Variants in RALGAPA1 observed in about 807,000 individuals in gnomAD.
RALGAPA1 encodes Ral GTPase activating protein catalytic subunit alpha 1, also known as ral GTPase-activating protein subunit alpha-1.
A neutral mutation model predicts 269.6 loss-of-function variants in RALGAPA1; 52 were observed. The ratio of observed to expected loss-of-function variants is 0.19; its 90% confidence interval spans 0.15 to 0.24. The LOEUF (loss-of-function observed/expected upper bound fraction) is 0.24, where lower values mean the gene tolerates loss of function less well. RALGAPA1 is among the 10% of genes least tolerant of loss of function. RALGAPA1 has a pLI of 1.00. For synonymous variants in RALGAPA1, 817 were observed against 1,008.3 expected (o/e 0.81, Z 3.60); for missense variants, 1,917 against 3,013.9 (o/e 0.64, Z 8.52).
chr14:35,623,583 C>T (rs1314832613), intron 35 of RALGAPA1, among the ~76,000 whole-genome samples: 1 of 152,020 alleles, frequency 6.6e-6, no homozygotes, highest in Non-Finnish European at 1.5e-5. Flanking sequence ...TGGTGATGGC[C>T]AGGTTGAAGT....
At chr14:35,581,673 C>T (rs754346769) in intron 37 of RALGAPA1, among the ~76,000 whole-genome samples, 5 of 151,984 alleles carry the variant, frequency 3.3e-5, no homozygotes, top group South Asian at 2.1e-4. Flanking sequence ...AAAAGCACAA[C>T]GAAATATCAT....
chr14:35,567,301 CAT>C (rs1457837605), intron 39 of RALGAPA1, among the ~76,000 whole-genome samples: 2 of 152,062 alleles, frequency 1.3e-5, no homozygotes, highest in African/African-American at 4.8e-5. Flanking sequence ...ATCAACCAAA[CAT>C]AAAAATCCAA....
chr14:35,620,091 C>A (rs1385998690), intron 35 of RALGAPA1, among the ~76,000 whole-genome samples: 1 of 152,092 alleles, frequency 6.6e-6, no homozygotes, highest in African/African-American at 2.4e-5. Context: ...ACATCAATAT[C>A]CCTGATGCAA....
At chr14:35,792,452 A>G (rs552249238) in intron 1 of RALGAPA1, among the ~76,000 whole-genome samples, 44 of 151,820 alleles carry the variant, frequency 2.9e-4, no homozygotes, top group Middle Eastern at 3.4e-3. Flanking sequence ...CCACCATGCC[A>G]GCTAGTGACA....
intron 17 of RALGAPA1, among the ~76,000 whole-genome samples, chr14:35,695,930 T>C (rs939180950): frequency 5.3e-5 from 8 of 151,942 alleles, no homozygotes; most frequent in Admixed American, 1.3e-4. Flanking sequence ...AGCCAAGGAG[T>C]GTACTTGCCC....
intron 39 of RALGAPA1, among the ~76,000 whole-genome samples, chr14:35,550,548 A>T (rs1027081879): frequency 6.6e-6 from 1 of 152,142 alleles, no homozygotes; most frequent in Non-Finnish European, 1.5e-5. Context: ...ATTTTAAATA[A>T]TTCAATGGGA....
chr14:35,694,260 C>T (rs867889389), intron 17 of RALGAPA1, among the ~76,000 whole-genome samples: 3 of 152,066 alleles, frequency 2.0e-5, no homozygotes, highest in Admixed American at 6.5e-5. Context: ...TGGTCAAGCA[C>T]GAACGTTAGC....
Position 35,685,151 on chromosome 14 carries a change from C to A in RALGAPA1, c.4078-6G>T, listed in dbSNP as rs140591715. ...CTTCCTCTTCTTGTCATAGTCTAAA[C>A]GTTCAAGAAATATTTTACCATTAAG... is the stretch of plus-strand genomic sequence containing the variant. On this transcript the variant is annotated splice_region_variant and splice_polypyrimidine_tract_variant and intron_variant, in intron 19 of 41. Coordinates refer to ENST00000680220, the MANE Select transcript of RALGAPA1 (RefSeq NM_001346249.2). 5 of 1,553,076 alleles carry A rather than the reference C, an allele frequency of 3.2e-6. No homozygotes were observed. The South Asian group carries it at 6.0e-5, about 19-fold the overall frequency.
chr14:35,707,571 T>C (rs1312543025), intron 16 of RALGAPA1: 8 of 152,218 alleles, frequency 5.3e-5, no homozygotes, highest in Non-Finnish European at 1.0e-4. Context: ...TCATATGGCT[T>C]TTCTTCATTA....
At chr14:35,701,434 C>A (rs192768313) in intron 16 of RALGAPA1, among the ~76,000 whole-genome samples, 2 of 152,174 alleles carry the variant, frequency 1.3e-5, no homozygotes, top group Non-Finnish European at 2.9e-5. Flanking sequence ...AAGGCCTTTA[C>A]GACTTGCCTA....
chr14:35,581,981 A>G (rs1246267628), intron 37 of RALGAPA1, among the ~76,000 whole-genome samples: 1 of 152,194 alleles, frequency 6.6e-6, no homozygotes, highest in Non-Finnish European at 1.5e-5. Flanking sequence ...AAACAACCCA[A>G]TTTCCAGCCA....
intron 4 of RALGAPA1, chr14:35,766,358 C>A: frequency 7.3e-7 from 1 of 1,366,474 alleles, no homozygotes; most frequent in Non-Finnish European, 1.0e-6. Context: ...CAAATGTGAG[C>A]AAACTATGTA....
chr14:35,593,171 C>G (rs1175914898), intron 37 of RALGAPA1, among the ~76,000 whole-genome samples: 1 of 152,042 alleles, frequency 6.6e-6, no homozygotes, highest in Non-Finnish European at 1.5e-5. Flanking sequence ...GATACAAAAT[C>G]AACATACAAA....
intron 16 of RALGAPA1, among the ~76,000 whole-genome samples, chr14:35,704,180 C>A (rs549380537): frequency 2.0e-5 from 3 of 152,124 alleles, no homozygotes; most frequent in Non-Finnish European, 4.4e-5. Flanking sequence ...AAGCAAAATC[C>A]GAAAACAAAA....
At chr14:35,696,223 T>C (rs2066886021) in intron 17 of RALGAPA1, among the ~76,000 whole-genome samples, 1 of 151,796 alleles carries the variant, frequency 6.6e-6, no homozygotes, top group Non-Finnish European at 1.5e-5. Context: ...TGTTCAGAAT[T>C]TCCCTGGGCA....
At chr14:35,726,018 T>C (rs574051117) in intron 13 of RALGAPA1, among the ~76,000 whole-genome samples, 1 of 152,294 alleles carries the variant, frequency 6.6e-6, no homozygotes, top group East Asian at 1.9e-4. Context: ...CAACCACATA[T>C]GAAAAAGAGG....
chr14:35,591,288 C>T (rs1471844623), intron 37 of RALGAPA1, among the ~76,000 whole-genome samples: 1 of 149,940 alleles, frequency 6.7e-6, no homozygotes, highest in East Asian at 2.0e-4. Flanking sequence ...ATTTTAAGTG[C>T]TATGTATGTA....
At chr14:35,792,777 CA>C (rs573027253) in intron 1 of RALGAPA1, among the ~76,000 whole-genome samples, 146 of 46,122 alleles carry the variant, frequency 3.2e-3, no homozygotes, top group Non-Finnish European at 3.8e-3. Flanking sequence ...GACCCTGTCT[CA>C]AAAAAAAAAA....
At chr14:35,585,038 C>T (rs1182047003) in intron 37 of RALGAPA1, among the ~76,000 whole-genome samples, 1 of 152,142 alleles carries the variant, frequency 6.6e-6, no homozygotes, top group African/African-American at 2.4e-5. Context: ...ATATTAATTT[C>T]AGACAGAACA....
Sources: allele counts gnomAD v4.1 joint callset (sites outside exome capture counted in the v4.1 genomes callset), GRCh38; gene constraint gnomAD v4.1.1; transcripts MANE v1.5; gene names NCBI Gene and HGNC (gene_info 2026-07-23, HGNC 2026-07-21).